HSCB: variants seen among roughly 807,000 people sequenced by gnomAD.
HSCB encodes the protein iron-sulfur cluster co-chaperone protein HscB.
In HSCB, 23 loss-of-function variants were observed where a neutral mutation model predicts 31.3. That is an observed-to-expected ratio of 0.74 (90% CI 0.53 to 1.04). HSCB has a LOEUF of 1.04. Ranked by LOEUF, HSCB falls within the 50% of genes least tolerant of loss-of-function variation. The probability of loss-of-function intolerance (pLI) is 0.00; values close to 1 mark genes in which losing one functional copy is unlikely to be tolerated. For missense variants in HSCB, 297 were observed against 288.1 expected (o/e 1.03, Z -0.22); for synonymous variants, 110 against 104.5 (o/e 1.05, Z -0.32).
intron 5 of HSCB, among the ~76,000 whole-genome samples, chr22:28,753,078 C>CA (rs949375134): frequency 9.1e-5 from 13 of 142,284 alleles, no homozygotes; most frequent in Admixed American, 2.8e-4. Flanking sequence ...GATGCCATCT[C>CA]AAAAAAAAAA....
chr22:28,751,353 C>A, intron 5 of HSCB, 65 bp downstream of exon 5: 2 of 890,798 alleles, frequency 2.2e-6, no homozygotes, highest in South Asian at 1.5e-5. Context: ...CATAGCCATT[C>A]ATTCAATAAC....
chr22:28,749,217 G>A (rs932817732), intron 4 of HSCB, among the ~76,000 whole-genome samples: 7 of 151,450 alleles, frequency 4.6e-5, no homozygotes, highest in African/African-American at 1.5e-4. Flanking sequence ...GGGCCCGGAT[G>A]CCGTGGCCTC....
At position 28,757,130 on chromosome 22, in the gene HSCB, T is replaced by C. The variant is rs2030660492; in HGVS notation, c.669T>C (p.Asn223=). Residue 223 remains asparagine, a synonymous_variant, in exon 6 of 6, where the codon AAT becomes AAC. Transcript: ENST00000216027. The part of the protein sequence containing the change: ...EILTKMRYFS[N]IEEKIKLKKI... Reference sequence around the variant, plus strand: ...TGACAAAGATGAGATACTTTTCAAATATAGAAGAAAAGATCAAGTTAAAGA... The same window carrying C: ...TGACAAAGATGAGATACTTTTCAAACATAGAAGAAAAGATCAAGTTAAAGA... 6.4e-7 allele frequency: 1 copy of C among 1,570,428 alleles called. No homozygotes were observed. Among genetic ancestry groups the C allele is most frequent in the Non-Finnish European group, 8.8e-7 (1 of 1,140,842 alleles).
intron 4 of HSCB, among the ~76,000 whole-genome samples, chr22:28,746,813 C>T (rs1188908926): frequency 6.6e-6 from 1 of 151,608 alleles, no homozygotes; most frequent in Non-Finnish European, 1.5e-5. Flanking sequence ...GCAGGAGAAT[C>T]GCTTGAGCTT....
intron 1 of HSCB, chr22:28,742,617 G>A: frequency 4.4e-6 from 2 of 454,822 alleles, no homozygotes; most frequent in Non-Finnish European, 7.8e-6. Context: ...AGGGGAGGGA[G>A]ATTTGAGGGG....
chr22:28,750,405 A>AG (rs1368840383), intron 4 of HSCB, among the ~76,000 whole-genome samples: 1 of 152,120 alleles, frequency 6.6e-6, no homozygotes, highest in East Asian at 1.9e-4. Flanking sequence ...TCAAGGGCAT[A>AG]GAGCTAGTTA....
At chr22:28,756,740 C>T (rs1048637283) in intron 5 of HSCB, among the ~76,000 whole-genome samples, 6 of 151,946 alleles carry the variant, frequency 3.9e-5, no homozygotes, top group African/African-American at 9.7e-5. Flanking sequence ...GCCATCCTCC[C>T]GCCTCAGCCT....
At chr22:28,754,145 C>CA (rs34428847) in intron 5 of HSCB, among the ~76,000 whole-genome samples, 7 of 133,070 alleles carry the variant, frequency 5.3e-5, no homozygotes, top group African/African-American at 8.2e-5. Flanking sequence ...AACAAACAAA[C>CA]AAAAAAAAAT....
chr22:28,756,159 T>G (rs1164397749), intron 5 of HSCB, among the ~76,000 whole-genome samples: 1 of 150,874 alleles, frequency 6.6e-6, no homozygotes, highest in Non-Finnish European at 1.5e-5. Context: ...GAGGCATGAG[T>G]ATTGGTTGAA....
intron 4 of HSCB, among the ~76,000 whole-genome samples, chr22:28,749,873 C>G (rs1002887638): frequency 2.6e-5 from 4 of 152,038 alleles, no homozygotes; most frequent in African/African-American, 9.7e-5. Flanking sequence ...TCCTCTGAGC[C>G]TCAATTTCCT....
At chr22:28,752,554 G>A (rs1018252534) in intron 5 of HSCB, among the ~76,000 whole-genome samples, 1 of 151,394 alleles carries the variant, frequency 6.6e-6, no homozygotes, top group Non-Finnish European at 1.5e-5. Flanking sequence ...CTAACACAGT[G>A]AAACCCTGTC....
rs747259401 is a variant in HSCB at position 28,745,900 on chromosome 22, G to C, written c.460G>C (p.Asp154His). Residue 154 changes from aspartate to histidine, a missense_variant, in exon 4 of 6, where the codon GAT becomes CAT. Physicochemically the swap from Asp to His is moderately conservative, Grantham distance 81. Transcript: ENST00000216027. ...TGGAATAGAGATTCCTGAAAGGACA[G>C]ATTATGAAATGGACAGGCAATTCCT... The part of the protein sequence containing the change: ...LHGIEIPERT[D>H]YEMDRQFLIE... The C allele has an allele frequency of 2.5e-6, 4 of 1,613,394 alleles. No individual in the cohort carries two copies. In the South Asian group the frequency reaches 4.4e-5, roughly 18 times the overall value.
In HSCB at chr22:28,745,999, A is replaced by G. The variant is rs763439506; in HGVS notation, c.559A>G (p.Ile187Val). ...AGCTGCCATGAAAGAGATTGAATCC[A>G]TTGTCAAAGGTGAAAGATAAAATAG... ...SEAAMKEIES[I>V]VKAKQKEFTD... Residue 187 changes from isoleucine to valine, a missense_variant, in exon 4 of 6, where the codon ATT (isoleucine) becomes GTT (valine). Coordinates refer to ENST00000216027, the MANE Select transcript of HSCB (RefSeq NM_172002.5). 3 of 1,610,664 alleles carry G rather than the reference A, an allele frequency of 1.9e-6. No individual in the cohort carries two copies. In the East Asian group the frequency reaches 6.7e-5, roughly 36 times the overall value.
At chr22:28,743,023 G>A (rs2146203916) in intron 1 of HSCB, among the ~76,000 whole-genome samples, 1 of 152,214 alleles carries the variant, frequency 6.6e-6, no homozygotes, top group South Asian at 2.1e-4. Context: ...GAAGGGACCT[G>A]GGCCGTGGAA....
chr22:28,743,741 T>C (rs1037599480), intron 1 of HSCB, 141 bp from the exon 2 acceptor site: 19 of 662,238 alleles, frequency 2.9e-5, no homozygotes, highest in Non-Finnish European at 4.9e-5. Context: ...CTGTTCTGTG[T>C]CCCTTCATAG....
At chr22:28,742,367 A>T (rs1898582555) in intron 1 of HSCB, 36 bp downstream of exon 1, 1 of 1,604,456 alleles carries the variant, frequency 6.2e-7, no homozygotes, top group African/African-American at 1.3e-5. Context: ...GGCCCGGGCG[A>T]GAGACACGTC....
intron 5 of HSCB, among the ~76,000 whole-genome samples, chr22:28,752,368 C>A (rs1183328626): frequency 7.7e-6 from 1 of 130,604 alleles, no homozygotes; most frequent in Non-Finnish European, 1.6e-5. Flanking sequence ...GAGGCGGAGG[C>A]TGCAGTAAGC....
At chr22:28,742,853 T>C (rs983031992) in intron 1 of HSCB, 1 of 156,476 alleles carries the variant, frequency 6.4e-6, no homozygotes, top group African/African-American at 2.4e-5. Context: ...AAGTGAGAAT[T>C]GGAGGGAGAG....
At chr22:28,742,618 A>C in intron 1 of HSCB, 1 of 425,612 alleles carries the variant, frequency 2.3e-6, no homozygotes. Flanking sequence ...GGGGAGGGAG[A>C]TTTGAGGGGC....
Sources: gnomAD v4.1 joint callset for allele counts (sites outside exome capture counted in the v4.1 genomes callset) on GRCh38, gnomAD v4.1.1 for gene constraint, MANE v1.5 for transcripts, NCBI Gene and HGNC (gene_info 2026-07-23, HGNC 2026-07-21) for gene names.